PKP4: variants seen among roughly 807,000 people sequenced by gnomAD.
The protein encoded by PKP4 is plakophilin-4.
A neutral mutation model predicts 145.1 loss-of-function variants in PKP4; 90 were observed. That is an observed-to-expected ratio of 0.62 (90% CI 0.52 to 0.74). PKP4 has a LOEUF of 0.74. Among genes scored for constraint, PKP4 ranks in the 30% least tolerant of loss-of-function variants. The pLI, the probability that PKP4 is intolerant of heterozygous loss-of-function variation, is 0.00. For synonymous variants in PKP4, 563 were observed against 577.2 expected, an observed-to-expected ratio of 0.98 and a Z score of 0.35; for missense variants, 1,340 against 1,482.7, an observed-to-expected ratio of 0.90 and a Z score of 1.58.
At chr2:158,678,780 T>C in intron 21 of PKP4, 126 bp downstream of exon 21, 3 of 723,796 alleles carry the variant, frequency 4.1e-6, no homozygotes, top group Non-Finnish European at 7.5e-6. Context: ...CTGGGGATCT[T>C]CACTCCTTGG....
In PKP4 at chr2:158,542,994, A is replaced by G. The variant is rs542073593; in HGVS notation, c.132+9678A>G. 4.6e-5 allele frequency among the ~76,000 whole-genome samples: 7 copies of G among 152,256 alleles called. No homozygotes were observed. The East Asian group carries it at 1.2e-3, about 25-fold the overall frequency. ...TAATTCTATAAGTGGTAGATTTTCT[A>G]TGTTCCTTATCACAAATTTTGGGGT... On this transcript the variant is annotated intron_variant, in intron 2 of 21. Coordinates refer to ENST00000389759, the MANE Select transcript of PKP4 (RefSeq NM_003628.6).
intron 4 of PKP4, among the ~76,000 whole-genome samples, chr2:158,610,543 A>G (rs3771646): frequency 0.19 from 29,296 of 152,154 alleles, 3,666 homozygotes; most frequent in Middle Eastern, 0.35. Context: ...AAAAACACCA[A>G]CTCAATAATA....
chr2:158,675,175 A>G (rs2057896345), intron 19 of PKP4, among the ~76,000 whole-genome samples: 1 of 152,220 alleles, frequency 6.6e-6, no homozygotes, highest in Admixed American at 6.5e-5. Context: ...CTATAACAAA[A>G]GGCACATAGA....
At chr2:158,547,957 G>T (rs1318206695) in intron 2 of PKP4, among the ~76,000 whole-genome samples, 1 of 152,206 alleles carries the variant, frequency 6.6e-6, no homozygotes, top group Non-Finnish European at 1.5e-5. Context: ...TGCTGAGGCT[G>T]GGTGAAGCTG....
chr2:158,631,379 G>A (rs1417114905), intron 7 of PKP4, among the ~76,000 whole-genome samples: 1 of 151,846 alleles, frequency 6.6e-6, no homozygotes, highest in Non-Finnish European at 1.5e-5. Flanking sequence ...ATCTATGTAT[G>A]TATATATGTA....
chr2:158,519,195 T>C (rs760204832), intron 1 of PKP4, among the ~76,000 whole-genome samples: 4 of 152,304 alleles, frequency 2.6e-5, no homozygotes, highest in Admixed American at 6.5e-5. Flanking sequence ...GTCACTCTTA[T>C]GAAATACTCT....
chr2:158,500,627 C>T (rs1696412642), intron 1 of PKP4, among the ~76,000 whole-genome samples: 2 of 152,204 alleles, frequency 1.3e-5, no homozygotes, highest in Admixed American at 6.5e-5. Context: ...TGCCTTCCTT[C>T]AGCCACAGAG....
chr2:158,661,247 G>A lies in PKP4; in HGVS notation c.2094-86G>A, dbSNP rs193257393. 6.2e-4 allele frequency: 591 copies of A among 955,162 alleles called. 4 individuals are homozygous for A. The African/African-American group carries it at 8.6e-3, about 14-fold the overall frequency. 59.2% of individuals were successfully genotyped at this position (955,162 alleles called of 1,614,324 possible). On this transcript the variant is annotated intron_variant, in intron 12 of 21. Coordinates refer to ENST00000389759, the MANE Select transcript of PKP4 (RefSeq NM_003628.6). ...TCTAAGTGGCTGCCACCTGTTGTTC[G>A]CTCTCTCAGATCCTTAAGGTTAAGT...
At chr2:158,495,174 C>T (rs1695502790) in intron 1 of PKP4, among the ~76,000 whole-genome samples, 1 of 151,848 alleles carries the variant, frequency 6.6e-6, no homozygotes, top group African/African-American at 2.4e-5. Flanking sequence ...GCCGAGATTG[C>T]ACCATTGCAT....
intron 1 of PKP4, among the ~76,000 whole-genome samples, chr2:158,467,783 G>A (rs1053353110): frequency 1.3e-5 from 2 of 151,828 alleles, no homozygotes. Context: ...GGAGGTTGAG[G>A]CTACAGTGAG....
chr2:158,664,115 C>CT lies in PKP4; in HGVS notation c.2577+671dup, dbSNP rs372984596. On this transcript the variant is annotated intron_variant, in intron 15 of 21. Coordinates refer to ENST00000389759, the MANE Select transcript of PKP4 (RefSeq NM_003628.6). ...CAGAGACGGGCTAATATCATCACTG[C>CT]TCCCCCACTTCCATGGCAGTGCAAA... Among the ~76,000 whole-genome samples, 433 of 152,324 alleles carry CT rather than the reference C, an allele frequency of 2.8e-3. 2 individuals are homozygous for CT. The highest frequency in any genetic ancestry group is 0.01 in the African/African-American group (422 of 41,572).
chr2:158,538,534 C>CTTTTTT (rs11346852), intron 2 of PKP4, among the ~76,000 whole-genome samples: 4 of 110,076 alleles, frequency 3.6e-5, no homozygotes, highest in Admixed American at 9.9e-5. Context: ...TCTCTAACCA[C>CTTTTTT]TTTTTTTTTT....
rs1194341285 is a variant in PKP4, at chr2:158,680,646, A to G, written c.3548A>G (p.Gln1183Arg). 1 of 1,613,808 alleles carries G rather than the reference A, an allele frequency of 6.2e-7. No homozygotes were observed. Among genetic ancestry groups the G allele is most frequent in the African/African-American group, 1.3e-5 (1 of 75,064 alleles). ...STKRPSYRAEQYPGSPDSWV is the reference protein window; with the variant it reads ...STKRPSYRAERYPGSPDSWV ...AAACGACCTTCTTATAGAGCAGAAC[A>G]GTACCCAGGGTCCCCAGACTCATGG... The change falls in exon 22 of 22, where the codon CAG becomes CGG. Residue 1183 changes from glutamine (Q) to arginine (R), a missense_variant. Transcript: ENST00000389759.
chr2:158,618,074 T>C (rs1390857357), intron 4 of PKP4, among the ~76,000 whole-genome samples: 7 of 152,080 alleles, frequency 4.6e-5, no homozygotes, highest in Admixed American at 4.6e-4. Flanking sequence ...TCCCAGCTAC[T>C]CAGGAGGCTG....
At chr2:158,537,425 G>A (rs1363933996) in intron 2 of PKP4, among the ~76,000 whole-genome samples, 1 of 152,148 alleles carries the variant, frequency 6.6e-6, no homozygotes, top group Admixed American at 6.5e-5. Context: ...ATGTGTATCA[G>A]GTGATACGGG....
intron 3 of PKP4, among the ~76,000 whole-genome samples, chr2:158,581,213 A>G (rs1263896509): frequency 1.3e-5 from 2 of 152,212 alleles, no homozygotes; most frequent in Non-Finnish European, 2.9e-5. Flanking sequence ...CCTTTCCGGT[A>G]TGCCATTTCC....
intron 1 of PKP4, among the ~76,000 whole-genome samples, chr2:158,475,917 A>G (rs1316083978): frequency 1.3e-5 from 2 of 152,238 alleles, no homozygotes; most frequent in Non-Finnish European, 2.9e-5. Context: ...GATATTTAGA[A>G]TAGTTTTCTC....
Position 158,473,932 on chromosome 2 carries a change from C to G in PKP4, c.-6+16714C>G, listed in dbSNP as rs2105411583. On this transcript the variant is annotated intron_variant, in intron 1 of 21. Coordinates refer to ENST00000389759, the MANE Select transcript of PKP4 (RefSeq NM_003628.6). ...GCTTGCAAGGTCAGCATTAAAAAAC[C>G]TAAGGAAAGGGGAGGACTCTGATTT... 2.0e-5 allele frequency among the ~76,000 whole-genome samples: 3 copies of G among 152,094 alleles called. No homozygotes were observed. The Middle Eastern group carries it at 0.01, about 517-fold the overall frequency.
chr2:158,563,309 A>G lies in PKP4; in HGVS notation c.133-13962A>G, dbSNP rs116049503. Among the ~76,000 whole-genome samples, 762 of 152,260 alleles carry G rather than the reference A, an allele frequency of 5.0e-3. 4 individuals carry two copies. Among genetic ancestry groups the G allele is most frequent in the African/African-American group, 0.017 (708 of 41,554 alleles). On this transcript the variant is annotated intron_variant, in intron 2 of 21. Transcript: ENST00000389759. ...AAGGTAGAGGGAATTAAATACTCAG[A>G]AGTATAAAATGAAAAGTAAGCCACC... is the stretch of plus-strand genomic sequence containing the variant.
Sources: allele counts gnomAD v4.1 joint callset (sites outside exome capture counted in the v4.1 genomes callset), GRCh38; gene constraint gnomAD v4.1.1; transcripts MANE v1.5; gene names NCBI Gene and HGNC (gene_info 2026-07-23, HGNC 2026-07-21).